TSC1: variants seen among roughly 807,000 people sequenced by gnomAD.
TSC1 encodes the protein hamartin.
In TSC1, 20 loss-of-function variants were observed where a neutral mutation model predicts 124.3. The ratio of observed to expected loss-of-function variants is 0.16; its 90% CI spans 0.11 to 0.23. The LOEUF (loss-of-function observed/expected upper bound fraction) is 0.23, where lower values mean the gene tolerates loss of function less well. Ranked by LOEUF, TSC1 falls within the 10% of genes least tolerant of loss-of-function variation. TSC1 has a pLI of 1.00. For synonymous variants in TSC1, 493 were observed against 539.1 expected (o/e 0.91, Z 1.19); for missense variants, 1,124 against 1,448.5 (o/e 0.78, Z 3.64).
intron 18 of TSC1, chr9:132,901,970 A>G: frequency 2.5e-6 from 1 of 406,718 alleles, no homozygotes; most frequent in Non-Finnish European, 4.4e-6. Flanking sequence ...GCAAACTCAC[A>G]GGGATGCTGC....
Position 132,895,941 on chromosome 9 carries a change from G to T in TSC1, c.*294C>A, listed in dbSNP as rs536230220. 5 of 460,722 alleles carry T rather than the reference G, an allele frequency of 1.1e-5. No individual in the cohort carries two copies. The highest frequency in any genetic ancestry group is 3.8e-5 in the Admixed American group (1 of 26,302). The allele number at this position is 460,722 out of a possible 1,614,324, so 28.5% of individuals were successfully genotyped here. A position where few individuals can be genotyped will look rare whatever the true frequency, so the allele number is the denominator to read the frequency against. On this transcript the variant is annotated 3_prime_UTR_variant, in exon 23 of 23. Transcript: ENST00000298552. The stretch of plus-strand genomic sequence containing the variant: ...AGGTTCAAAGGACGCAACCATTTGG[G>T]GGGGAAAGGAAGAAAGTAAAGCTAC...
chr9:132,935,239 C>T (rs942290053), intron 1 of TSC1, 144 bp from the exon 2 acceptor site: 8 of 395,308 alleles, frequency 2.0e-5, no homozygotes, highest in African/African-American at 1.4e-4. Flanking sequence ...CACTCATAAT[C>T]ATTGGAAGCA....
intron 8 of TSC1, among the ~76,000 whole-genome samples, chr9:132,918,076 A>G (rs943252972): frequency 2.6e-5 from 4 of 152,236 alleles, no homozygotes; most frequent in Admixed American, 2.6e-4. Context: ...AAGTTAATAT[A>G]GTTGGTTGAA....
At chr9:132,935,623 G>C (rs138005778) in intron 1 of TSC1, among the ~76,000 whole-genome samples, 1,843 of 152,320 alleles carry the variant, frequency 0.012, 34 homozygotes, top group African/African-American at 0.039. Context: ...GTCCAGGACA[G>C]TGAGAGGCAC....
At chr9:132,909,610 G>GA (rs935825221) in intron 12 of TSC1, 1 of 152,090 alleles carries the variant, frequency 6.6e-6, no homozygotes, top group Non-Finnish European at 1.5e-5. Context: ...GGCATTCCAT[G>GA]AAAAAAGGCA....
At chr9:132,928,101 C>A (rs925289536) in intron 3 of TSC1, among the ~76,000 whole-genome samples, 4 of 152,142 alleles carry the variant, frequency 2.6e-5, no homozygotes, top group African/African-American at 7.2e-5. Context: ...CACCTTCCCA[C>A]GTCAGCATCT....
Position 132,893,995 on chromosome 9 carries a change from C to G in TSC1, c.*2240G>C. 4.3e-6 allele frequency: 1 copy of G among 233,494 alleles called. No individual in the cohort carries two copies. 14.5% of individuals were successfully genotyped at this position (233,494 alleles called of 1,614,324 possible). On this transcript the variant is annotated 3_prime_UTR_variant, in exon 23 of 23. Transcript: ENST00000298552. ...TAGGTTGGGCACCTTCAACATGACTCCAGGTCTCATTCTCCCAACCGTAGT... is the reference window on the plus strand; with the variant it reads ...TAGGTTGGGCACCTTCAACATGACTGCAGGTCTCATTCTCCCAACCGTAGT...
intron 16 of TSC1, 102 bp downstream of exon 16, chr9:132,904,309 G>T: frequency 7.8e-7 from 1 of 1,282,592 alleles, no homozygotes; most frequent in South Asian, 1.2e-5. Flanking sequence ...AATAGCCAAG[G>T]GGAGATCTGT....
chr9:132,897,022 G>A (rs893211566), intron 22 of TSC1, among the ~76,000 whole-genome samples, 162 bp downstream of exon 22: 5 of 152,204 alleles, frequency 3.3e-5, no homozygotes, highest in East Asian at 1.9e-4. Context: ...ATCACTGGGC[G>A]TTTTGAGGAA....
intron 2 of TSC1, among the ~76,000 whole-genome samples, chr9:132,930,950 G>A (rs971458224): frequency 6.6e-6 from 1 of 152,146 alleles, no homozygotes; most frequent in Non-Finnish European, 1.5e-5. Context: ...ACCAAAAAGC[G>A]ATTAGTATGG....
At chr9:132,904,673 T>G (rs1413857042) in intron 15 of TSC1, among the ~76,000 whole-genome samples, 2 of 152,184 alleles carry the variant, frequency 1.3e-5, no homozygotes, top group African/African-American at 4.8e-5. Context: ...ACCTGTGTTG[T>G]TAGCTTAACA....
chr9:132,900,475 C>A, intron 20 of TSC1: 1 of 538,222 alleles, frequency 1.9e-6, no homozygotes, highest in Middle Eastern at 5.4e-4. Flanking sequence ...TACACCTACT[C>A]TCTACCAACT....
At position 132,937,612 on chromosome 9, in the gene TSC1, C is replaced by T. The variant is rs540991636; in HGVS notation, c.-143-2517G>A. Among the ~76,000 whole-genome samples, 10 of 152,274 alleles carry T rather than the reference C, an allele frequency of 6.6e-5. No individual in the cohort carries two copies. In the South Asian group the frequency reaches 1.7e-3, roughly 25 times the overall value. On this transcript the variant is annotated intron_variant, in intron 1 of 22. Coordinates refer to ENST00000298552, the MANE Select transcript of TSC1 (RefSeq NM_000368.5). ...AAGGCAAGGGTAAAATTAGGATCTA[C>T]GCTAGATGAGATCCTGTAGACTGCC...
chr9:132,900,395 T>C, intron 20 of TSC1: 1 of 393,168 alleles, frequency 2.5e-6, no homozygotes, highest in Non-Finnish European at 4.9e-6. Flanking sequence ...TTAAACAGAA[T>C]TGGTCCCCCA....
intron 4 of TSC1, chr9:132,926,951 C>T (rs1846898958): frequency 4.4e-6 from 2 of 451,356 alleles, no homozygotes; most frequent in Non-Finnish European, 8.2e-6. Context: ...GGATTACAGG[C>T]GTGAGCCACC....
intron 1 of TSC1, among the ~76,000 whole-genome samples, chr9:132,938,122 G>A (rs755154920): frequency 1.3e-5 from 2 of 152,214 alleles, no homozygotes. Context: ...ATGTTGGTAT[G>A]TCAAAGGCTA....
At chr9:132,900,342 ATGGT>A in intron 20 of TSC1, 2 of 264,870 alleles carry the variant, frequency 7.6e-6, no homozygotes, top group Non-Finnish European at 1.5e-5. Context: ...AAAAAAAAAA[ATGGT>A]ATGTACAGCA....
chr9:132,928,030 C>A (rs975295391), intron 3 of TSC1, among the ~76,000 whole-genome samples: 5 of 152,062 alleles, frequency 3.3e-5, no homozygotes, highest in African/African-American at 1.2e-4. Context: ...CCCTCATGTC[C>A]ACAGACACAG....
chr9:132,894,693 T>TAAAAAAAAAAAAA lies in TSC1; in HGVS notation c.*1529_*1541dup, dbSNP rs748099884. The TAAAAAAAAAAAAA allele has an allele frequency of 9.2e-6, 1 of 109,066 alleles. No individual in the cohort carries two copies. Among genetic ancestry groups the TAAAAAAAAAAAAA allele is most frequent in the Non-Finnish European group, 1.8e-5 (1 of 55,010 alleles). 6.8% of individuals were successfully genotyped at this position (109,066 alleles called of 1,614,324 possible). ...GATGCTAGAATATTTATTGCCATGC[T>TAAAAAAAAAAAAA]AAAAAAAAAAAAAAAAAAAAAAGAC... On this transcript the variant is annotated 3_prime_UTR_variant, in exon 23 of 23. Coordinates refer to ENST00000298552, the MANE Select transcript of TSC1 (RefSeq NM_000368.5).
Sources: gnomAD v4.1 joint callset for allele counts (sites outside exome capture counted in the v4.1 genomes callset) on GRCh38, gnomAD v4.1.1 for gene constraint, MANE v1.5 for transcripts, NCBI Gene and HGNC (gene_info 2026-07-23, HGNC 2026-07-21) for gene names.